Variants in NRXN1 observed in about 807,000 individuals in gnomAD.
NRXN1 encodes the protein neurexin 1, also known as neurexin-1.
NRXN1 carries 39 observed loss-of-function variants against 150.9 expected under a neutral mutation model. That is an observed-to-expected ratio of 0.26 (90% CI 0.20 to 0.34). The LOEUF is 0.34. Among genes scored for constraint, NRXN1 ranks in the 10% least tolerant of loss-of-function variants. NRXN1 has a pLI of 1.00. For missense variants in NRXN1, 1,815 were observed against 1,949.9 expected, an observed-to-expected ratio of 0.93 and a Z score of 1.30; for synonymous variants, 924 against 757.0, an observed-to-expected ratio of 1.22 and a Z score of -3.62.
At chr2:50,802,761 A>G (rs1386465232) in intron 5 of NRXN1, among the ~76,000 whole-genome samples, 1 of 152,156 alleles carries the variant, frequency 6.6e-6, no homozygotes, top group Non-Finnish European at 1.5e-5. Flanking sequence ...GACTAAAAGA[A>G]GAAATTGGGA....
At chr2:50,452,467 C>T (rs574915575) in intron 17 of NRXN1, among the ~76,000 whole-genome samples, 1 of 152,236 alleles carries the variant, frequency 6.6e-6, no homozygotes, top group East Asian at 1.9e-4. Context: ...GCCCACACAG[C>T]TGAAGTGACT....
At chr2:50,999,719 C>T (rs1223814622) in intron 2 of NRXN1, among the ~76,000 whole-genome samples, 1 of 151,986 alleles carries the variant, frequency 6.6e-6, no homozygotes, top group Non-Finnish European at 1.5e-5. Flanking sequence ...CATTTTGGAG[C>T]CATCTCTGAC....
At chr2:50,041,527 C>CA (rs563435039) in intron 21 of NRXN1, among the ~76,000 whole-genome samples, 127 of 152,194 alleles carry the variant, frequency 8.3e-4, no homozygotes, top group Middle Eastern at 6.8e-3. Flanking sequence ...CTGAAGACAT[C>CA]AAAAAATCAG....
At chr2:50,103,524 C>G (rs1290850012) in intron 18 of NRXN1, among the ~76,000 whole-genome samples, 1 of 151,948 alleles carries the variant, frequency 6.6e-6, no homozygotes, top group Non-Finnish European at 1.5e-5. Context: ...CCAATCACTT[C>G]AAATGAGACG....
At chr2:50,979,283 GAAGA>G (rs1696402428) in intron 2 of NRXN1, 1 of 517,936 alleles carries the variant, frequency 1.9e-6, no homozygotes, top group Admixed American at 1.9e-5. Flanking sequence ...CAGCTGGAAG[GAAGA>G]GAGAACTTCC....
chr2:49,963,619 CTT>C (rs1050123418), intron 21 of NRXN1, among the ~76,000 whole-genome samples: 5 of 152,140 alleles, frequency 3.3e-5, no homozygotes, highest in African/African-American at 1.2e-4. Context: ...AAGCAAAAGA[CTT>C]TACTCCTGGT....
intron 18 of NRXN1, among the ~76,000 whole-genome samples, chr2:50,204,949 C>T (rs1281813878): frequency 2.0e-5 from 3 of 151,994 alleles, no homozygotes; most frequent in Non-Finnish European, 2.9e-5. Flanking sequence ...GACACTTATG[C>T]TTGTTAAATT....
intron 5 of NRXN1, among the ~76,000 whole-genome samples, chr2:50,789,717 A>AT (rs951039837): frequency 4.0e-5 from 6 of 151,548 alleles, no homozygotes; most frequent in Non-Finnish European, 5.9e-5. Context: ...GGGCATAACT[A>AT]TTTTTTTTTA....
At chr2:50,362,346 T>C (rs748658749) in intron 17 of NRXN1, among the ~76,000 whole-genome samples, 11 of 151,990 alleles carry the variant, frequency 7.2e-5, no homozygotes, top group Non-Finnish European at 1.5e-4. Context: ...ATTTAGAAAA[T>C]CCCATTGTCT....
intron 5 of NRXN1, among the ~76,000 whole-genome samples, chr2:50,766,667 C>T (rs1314154035): frequency 6.6e-6 from 1 of 152,004 alleles, no homozygotes; most frequent in Non-Finnish European, 1.5e-5. Context: ...TGCTATCCTA[C>T]CACAGCCGTG....
intron 17 of NRXN1, among the ~76,000 whole-genome samples, chr2:50,240,793 G>T (rs1041098018): frequency 6.6e-6 from 1 of 151,656 alleles, no homozygotes; most frequent in Non-Finnish European, 1.5e-5. Flanking sequence ...AATTACATGA[G>T]ATATTACAAA....
chr2:50,680,564 A>T (rs538309619), intron 5 of NRXN1, among the ~76,000 whole-genome samples: 1 of 152,262 alleles, frequency 6.6e-6, no homozygotes, highest in South Asian at 2.1e-4. Context: ...GATCCTTTCA[A>T]ATATCTCCCC....
At chr2:49,949,333 A>G (rs1056870308) in intron 21 of NRXN1, among the ~76,000 whole-genome samples, 4 of 151,962 alleles carry the variant, frequency 2.6e-5, no homozygotes, top group African/African-American at 9.7e-5. Context: ...AATTTTCTGT[A>G]TATGCATTTG....
chr2:50,469,421 T>C (rs1347790115), intron 16 of NRXN1, among the ~76,000 whole-genome samples: 1 of 151,626 alleles, frequency 6.6e-6, no homozygotes, highest in Non-Finnish European at 1.5e-5. Flanking sequence ...TGTGGGTGTA[T>C]TGGATAGGAA....
intron 5 of NRXN1, among the ~76,000 whole-genome samples, chr2:50,629,157 T>G (rs369405749): frequency 6.6e-6 from 1 of 151,866 alleles, no homozygotes; most frequent in South Asian, 2.1e-4. Context: ...ATCATCAGAA[T>G]AGCATACTAG....
rs144567743 is a variant in NRXN1, at chr2:50,815,878, A to C, written c.832+105991T>G. Among the ~76,000 whole-genome samples, 74 of 152,264 alleles carry C rather than the reference A, an allele frequency of 4.9e-4. No individual in the cohort carries two copies. In the East Asian group the frequency reaches 0.012, roughly 24 times the overall value. ...TCTTCCTACAAGTTAAATAATGCATAAGTGTATCCTGAAAAATGCTAGAAT... is the reference window on the plus strand; with the variant it reads ...TCTTCCTACAAGTTAAATAATGCATCAGTGTATCCTGAAAAATGCTAGAAT... On this transcript the variant is annotated intron_variant, in intron 5 of 22. Coordinates refer to ENST00000401669, the MANE Select transcript of NRXN1 (RefSeq NM_001330078.2).
At chr2:50,105,250 T>C (rs1333760006) in intron 18 of NRXN1, 1 of 152,136 alleles carries the variant, frequency 6.6e-6, no homozygotes, top group Non-Finnish European at 1.5e-5. Flanking sequence ...TCCTCTTTCA[T>C]GAGCATTAAA....
intron 5 of NRXN1, among the ~76,000 whole-genome samples, chr2:50,840,572 A>C (rs1672727323): frequency 6.6e-6 from 1 of 152,124 alleles, no homozygotes; most frequent in African/African-American, 2.4e-5. Flanking sequence ...TTACGTACTT[A>C]CTATGCCCCT....
intron 8 of NRXN1, among the ~76,000 whole-genome samples, chr2:50,583,999 T>A (rs963259012): frequency 3.3e-5 from 5 of 152,194 alleles, no homozygotes; most frequent in Admixed American, 2.6e-4. Context: ...ATCACAACCA[T>A]GGAATTGACA....
Sources: allele counts gnomAD v4.1 joint callset (sites outside exome capture counted in the v4.1 genomes callset), GRCh38; gene constraint gnomAD v4.1.1; transcripts MANE v1.5; gene names NCBI Gene and HGNC (gene_info 2026-07-23, HGNC 2026-07-21).